FGF14: variants seen among roughly 807,000 people sequenced by gnomAD.
The protein encoded by FGF14 is fibroblast growth factor 14.
FGF14 carries 5 observed loss-of-function variants against 25.5 expected under a neutral mutation model. That is an observed-to-expected ratio of 0.20 (90% CI 0.10 to 0.41). FGF14 has a LOEUF of 0.41. FGF14 is among the 10% of genes least tolerant of loss of function. The pLI, the probability that FGF14 is intolerant of heterozygous loss-of-function variation, is 1.00. For missense variants in FGF14, 222 were observed against 320.1 expected (o/e 0.69, Z 2.34); for synonymous variants, 138 against 118.3 (o/e 1.17, Z -1.08).
intron 3 of FGF14, among the ~76,000 whole-genome samples, chr13:101,777,291 C>T (rs1355370369): frequency 6.6e-6 from 1 of 152,138 alleles, no homozygotes; most frequent in African/African-American, 2.4e-5. Context: ...GGATGGGAGT[C>T]AGTGCAAACT....
chr13:102,272,672 T>C (rs1403593236), intron 1 of FGF14, among the ~76,000 whole-genome samples: 2 of 152,164 alleles, frequency 1.3e-5, no homozygotes, highest in Admixed American at 6.6e-5. Context: ...ATGGTAGTCA[T>C]TGTCATTATC....
chr13:102,180,415 C>A (rs1293111123), intron 1 of FGF14, among the ~76,000 whole-genome samples: 1 of 152,002 alleles, frequency 6.6e-6, no homozygotes, highest in Non-Finnish European at 1.5e-5. Flanking sequence ...TGGGTTCAAG[C>A]GATTCTCCTC....
intron 1 of FGF14, among the ~76,000 whole-genome samples, chr13:102,048,130 G>A (rs1316040036): frequency 1.3e-5 from 2 of 152,042 alleles, no homozygotes; most frequent in African/African-American, 4.8e-5. Flanking sequence ...AAGTTTCTAT[G>A]ACTGGGTTTC....
chr13:101,830,415 A>C (rs1594405490), intron 3 of FGF14, among the ~76,000 whole-genome samples: 2 of 152,082 alleles, frequency 1.3e-5, no homozygotes, highest in East Asian at 3.9e-4. Context: ...GGCAGGCTGG[A>C]ATTTTACAGC....
chr13:102,035,547 C>T (rs763681359), intron 1 of FGF14, among the ~76,000 whole-genome samples: 5 of 152,150 alleles, frequency 3.3e-5, no homozygotes, highest in African/African-American at 4.8e-5. Context: ...GTTGATCAAT[C>T]AACAGCTTCC....
chr13:102,246,084 G>T lies in FGF14; in HGVS notation c.208+155387C>A, dbSNP rs2051852516. ...TTTCATTTTCTTTTGTCTTAGAAAAGAAGTGAAGCACAGAAAGTTCAAGTA... is the reference window on the plus strand; with the variant it reads ...TTTCATTTTCTTTTGTCTTAGAAAATAAGTGAAGCACAGAAAGTTCAAGTA... On this transcript the variant is annotated intron_variant, in intron 1 of 4. Coordinates refer to the FGF14 transcript ENST00000376131. 2.0e-5 allele frequency among the ~76,000 whole-genome samples: 3 copies of T among 152,008 alleles called. No homozygotes were observed. The South Asian group carries it at 6.2e-4, about 31-fold the overall frequency.
At position 101,916,646 on chromosome 13, in the gene FGF14, G is replaced by A; in HGVS notation, c.-1C>T. On this transcript the variant is annotated 5_prime_UTR_variant, in exon 1 of 5. Transcript: ENST00000376143. ...AGCCGCTAGCGATGGCCGCGGCCAT[G>A]GTGGCCCCGGGAACGGGTCCGGGGA... 1 of 1,551,122 alleles carries A rather than the reference G, an allele frequency of 6.4e-7. No individual in the cohort carries two copies. Among genetic ancestry groups the A allele is most frequent in the Non-Finnish European group, 8.7e-7 (1 of 1,145,434 alleles).
At chr13:102,155,340 G>C (rs1427412603) in intron 1 of FGF14, among the ~76,000 whole-genome samples, 2 of 152,284 alleles carry the variant, frequency 1.3e-5, no homozygotes, top group Non-Finnish European at 2.9e-5. Flanking sequence ...AATCAAACTA[G>C]AACTCAGGAT....
chr13:101,963,496 C>G (rs2036996082), intron 1 of FGF14, among the ~76,000 whole-genome samples: 1 of 152,174 alleles, frequency 6.6e-6, no homozygotes. Context: ...TCATTCCCAT[C>G]CTTAACTGTG....
chr13:102,158,323 T>A (rs1177939250), intron 1 of FGF14, among the ~76,000 whole-genome samples: 1 of 152,140 alleles, frequency 6.6e-6, no homozygotes. Flanking sequence ...ATGTACACCA[T>A]GGAATACTAT....
intron 1 of FGF14, among the ~76,000 whole-genome samples, chr13:102,097,864 T>TAAAGCTCCCTGCTGAG (rs2044474682): frequency 6.6e-6 from 1 of 152,024 alleles, no homozygotes; most frequent in Non-Finnish European, 1.5e-5. Flanking sequence ...TCCCTGCTGA[T>TAAAGCTCCCTGCTGAG]ATCTGTGAGA....
At chr13:102,358,816 C>T (rs915082225) in intron 1 of FGF14, among the ~76,000 whole-genome samples, 4 of 152,126 alleles carry the variant, frequency 2.6e-5, no homozygotes. Flanking sequence ...CTAGAAAAAT[C>T]TTCATTAGTC....
intron 1 of FGF14, among the ~76,000 whole-genome samples, chr13:101,948,247 CAT>C (rs2035934841): frequency 6.6e-6 from 1 of 152,066 alleles, no homozygotes; most frequent in South Asian, 2.1e-4. Context: ...TAGTCATCCA[CAT>C]GTATTTTGAA....
rs529048572 is a variant in FGF14, at chr13:101,813,564, T to A, written c.408+55161A>T. Reference sequence around the variant, plus strand: ...TAGAATGGCAAAAAGTAAATTTCCGTTCTTCATCTATTATCCAGTCTCAGG... The same window carrying A: ...TAGAATGGCAAAAAGTAAATTTCCGATCTTCATCTATTATCCAGTCTCAGG... On this transcript the variant is annotated intron_variant, in intron 3 of 4. Coordinates refer to ENST00000376143, the MANE Select transcript of FGF14 (RefSeq NM_004115.4). Among the ~76,000 whole-genome samples, 3 of 152,344 alleles carry A rather than the reference T, an allele frequency of 2.0e-5. No homozygotes were observed. In the South Asian group the frequency reaches 6.2e-4, roughly 32 times the overall value.
At chr13:102,342,188 G>A (rs2056972241) in intron 1 of FGF14, among the ~76,000 whole-genome samples, 1 of 152,144 alleles carries the variant, frequency 6.6e-6, no homozygotes, top group African/African-American at 2.4e-5. Flanking sequence ...TATCGTTCCT[G>A]GGGCACTTTT....
At chr13:102,178,265 G>A (rs564552502) in intron 1 of FGF14, among the ~76,000 whole-genome samples, 10 of 152,186 alleles carry the variant, frequency 6.6e-5, no homozygotes, top group South Asian at 6.2e-4. Flanking sequence ...AAAGTGAATC[G>A]TAATTTTCAC....
At chr13:102,130,724 A>C (rs1398557077) in intron 1 of FGF14, among the ~76,000 whole-genome samples, 1 of 152,176 alleles carries the variant, frequency 6.6e-6, no homozygotes, top group Non-Finnish European at 1.5e-5. Flanking sequence ...CCCTAGGATG[A>C]CACTTTCAAA....
chr13:101,992,358 A>G (rs566881766), intron 1 of FGF14, among the ~76,000 whole-genome samples: 1 of 152,264 alleles, frequency 6.6e-6, no homozygotes, highest in African/African-American at 2.4e-5. Context: ...CTCATATTAA[A>G]GGGCCATTGA....
chr13:101,753,964 AAAAACAAAAAC>A (rs1224896641), intron 3 of FGF14, among the ~76,000 whole-genome samples: 5 of 152,196 alleles, frequency 3.3e-5, no homozygotes, highest in Admixed American at 2.6e-4. Flanking sequence ...TGCCCATGAA[AAAAACAAAAAC>A]AAAACAAAAT....
Sources: gnomAD v4.1 joint callset for allele counts (sites outside exome capture counted in the v4.1 genomes callset) on GRCh38, gnomAD v4.1.1 for gene constraint, MANE v1.5 for transcripts, NCBI Gene and HGNC (gene_info 2026-07-23, HGNC 2026-07-21) for gene names.